ESRRB: variants seen among roughly 807,000 people sequenced by gnomAD.
ESRRB encodes steroid hormone receptor ERR2.
ESRRB carries 16 observed loss-of-function variants against 46.0 expected under a neutral mutation model. The ratio of observed to expected loss-of-function variants is 0.35; its 90% CI spans 0.24 to 0.53. The LOEUF (loss-of-function observed/expected upper bound fraction) is 0.53, where lower values mean the gene tolerates loss of function less well. ESRRB is among the 20% of genes least tolerant of loss of function. The pLI is 0.93. For synonymous variants in ESRRB, 246 were observed against 259.6 expected (o/e 0.95, Z 0.50); for missense variants, 488 against 607.4 (o/e 0.80, Z 2.07).
In ESRRB at chr14:76,482,537, C is replaced by T; in HGVS notation, c.689-61C>T. ...ACTTTGCTTCCTGACCCATCTGAGC[C>T]TCCACCCCGGCCCCTTTCCTCTTTT... On this transcript the variant is annotated intron_variant, in intron 4 of 6. Coordinates refer to ENST00000644823, the MANE Select transcript of ESRRB (RefSeq NM_001379180.1). This position sits in a 1 kb window ranked among gnomAD's most constrained non-coding sequence, Gnocchi z 4.3. 1 of 1,598,462 alleles carries T rather than the reference C, an allele frequency of 6.3e-7. No homozygotes were observed. Among genetic ancestry groups the T allele is most frequent in the Non-Finnish European group, 8.6e-7 (1 of 1,166,660 alleles).
chr14:76,494,626 A>G (rs547622161), intron 6 of ESRRB, among the ~76,000 whole-genome samples: 3 of 152,202 alleles, frequency 2.0e-5, no homozygotes, highest in Non-Finnish European at 2.9e-5. Flanking sequence ...GTATTGTTCT[A>G]TAGGTTTTGA....
chr14:76,481,826 G>A (rs746323638), intron 3 of ESRRB, among the ~76,000 whole-genome samples, 190 bp from the exon 4 acceptor site: 19 of 152,164 alleles, frequency 1.2e-4, no homozygotes, highest in Non-Finnish European at 2.5e-4. Flanking sequence ...AACGGGATGC[G>A]CCATTACTGT....
intron 1 of ESRRB, among the ~76,000 whole-genome samples, chr14:76,433,818 T>C (rs900544874): frequency 6.6e-6 from 1 of 152,122 alleles, no homozygotes; most frequent in Non-Finnish European, 1.5e-5. Flanking sequence ...CCTGACCTTA[T>C]AGGATGGAAT....
At chr14:76,441,253 C>T (rs774715017) in intron 2 of ESRRB, among the ~76,000 whole-genome samples, 5 of 152,230 alleles carry the variant, frequency 3.3e-5, no homozygotes, top group Non-Finnish European at 7.3e-5. Context: ...ACCTGAGTCA[C>T]ATTCCAATGG....
At chr14:76,475,821 C>T (rs1219139301) in intron 3 of ESRRB, among the ~76,000 whole-genome samples, 1 of 152,136 alleles carries the variant, frequency 6.6e-6, no homozygotes, top group Admixed American at 6.5e-5. Context: ...CATGGTTACA[C>T]CATTTTACTT....
At chr14:76,341,455 C>T (rs1373686967) in intron 1 of ESRRB, among the ~76,000 whole-genome samples, 1 of 152,260 alleles carries the variant, frequency 6.6e-6, no homozygotes, top group Admixed American at 6.5e-5. Context: ...ACCCGGCTCT[C>T]CTGCCTCCCT....
At chr14:76,360,845 C>A (rs1884454140) in intron 1 of ESRRB, among the ~76,000 whole-genome samples, 1 of 152,190 alleles carries the variant, frequency 6.6e-6, no homozygotes, top group Admixed American at 6.5e-5. Context: ...GTCTACCTTT[C>A]TGGGTTGTTC....
chr14:76,369,357 C>A (rs1305255961), upstream of ESRRB, among the ~76,000 whole-genome samples: 1 of 150,982 alleles, frequency 6.6e-6, no homozygotes, highest in Non-Finnish European at 1.5e-5. Flanking sequence ...TCACTGCAAC[C>A]TTTGCCTCCC....
intron 3 of ESRRB, among the ~76,000 whole-genome samples, chr14:76,464,646 T>G (rs1889030894): frequency 6.6e-6 from 1 of 152,130 alleles, no homozygotes; most frequent in Non-Finnish European, 1.5e-5. Flanking sequence ...AAAAACAGTC[T>G]CCTTTCCAGA....
intron 1 of ESRRB, among the ~76,000 whole-genome samples, chr14:76,389,516 A>G (rs1262088728): frequency 2.6e-5 from 4 of 152,226 alleles, no homozygotes; most frequent in African/African-American, 9.6e-5. Context: ...GGAAGAGGTA[A>G]CCAGGAGAGC....
intron 1 of ESRRB, among the ~76,000 whole-genome samples, chr14:76,438,135 G>T (rs1251580238): frequency 6.6e-6 from 1 of 152,192 alleles, no homozygotes; most frequent in East Asian, 1.9e-4. Context: ...AGAGAGGGAG[G>T]GTTTGGGAGC....
At position 76,469,926 on chromosome 14, in the gene ESRRB, G is replaced by GTTTTTTTT. The variant is rs1356927268; in HGVS notation, c.577+7267_577+7268insTTTTTTTT. On this transcript the variant is annotated intron_variant, in intron 3 of 6. Coordinates refer to ENST00000644823, the MANE Select transcript of ESRRB (RefSeq NM_001379180.1). ...AGGTAAAGACTAGGCTGTGTTTTTT[G>GTTTTTTTT]TTGTTTTTTTTTTTTTTCTTTTTTT... Among the ~76,000 whole-genome samples, 52 of 67,496 alleles carry GTTTTTTTT rather than the reference G, an allele frequency of 7.7e-4. 2 individuals are homozygous for GTTTTTTTT. Among genetic ancestry groups the GTTTTTTTT allele is most frequent in the African/African-American group, 1.3e-3 (25 of 19,736 alleles). The allele number at this position is 67,496 out of a possible 152,430, so 44.3% of individuals were successfully genotyped here.
At chr14:76,372,833 A>C (rs934817793), upstream of ESRRB, among the ~76,000 whole-genome samples, 1 of 152,236 alleles carries the variant, frequency 6.6e-6, no homozygotes, top group African/African-American at 2.4e-5. Flanking sequence ...CCCTGTCTCA[A>C]AAAGAAAGAA....
At chr14:76,358,351 G>T (rs867954606) in intron 1 of ESRRB, among the ~76,000 whole-genome samples, 2 of 34,496 alleles carry the variant, frequency 5.8e-5, no homozygotes, top group Non-Finnish European at 1.2e-4. Flanking sequence ...AAGAAAGAAA[G>T]AAAGAAAGAA....
At chr14:76,453,106 G>A (rs8016205) in intron 2 of ESRRB, among the ~76,000 whole-genome samples, 9,313 of 152,314 alleles carry the variant, frequency 0.061, 292 homozygotes, top group South Asian at 0.08. Context: ...AGCCTTTCAG[G>A]TGAGCTTCAT....
intron 1 of ESRRB, among the ~76,000 whole-genome samples, chr14:76,401,224 C>T (rs930624558): frequency 6.6e-5 from 10 of 152,206 alleles, no homozygotes; most frequent in African/African-American, 1.4e-4. Flanking sequence ...AAATCCCCCA[C>T]GCTGGCTGGT....
chr14:76,439,391 G>T lies in ESRRB; in HGVS notation c.101G>T (p.Gly34Val). 1 of 1,613,698 alleles carries T rather than the reference G, an allele frequency of 6.2e-7. No homozygotes were observed. The highest frequency in any genetic ancestry group is 8.5e-7 in the Non-Finnish European group (1 of 1,180,044). Residue 34 changes from glycine (G) to valine (V), a missense_variant, in exon 2 of 7, where the codon GGC becomes GTC. Physicochemically the swap from Gly to Val is moderately radical, Grantham distance 109. Coordinates refer to ENST00000644823, the MANE Select transcript of ESRRB (RefSeq NM_001379180.1). ...SDDRHLGSSC[G>V]SFIKTEPSSP... ...GACAGGCACCTGGGCTCCAGCTGCG[G>T]CTCCTTCATCAAGACTGAGCCGTCC...
chr14:76,351,986 T>TAA (rs201356393), intron 1 of ESRRB, among the ~76,000 whole-genome samples: 15,608 of 91,116 alleles, frequency 0.17, 1,623 homozygotes, highest in Non-Finnish European at 0.24. Flanking sequence ...CCCAGTCTCT[T>TAA]AAAAAAAAAA....
chr14:76,315,522 C>T (rs980767895), intron 1 of ESRRB, among the ~76,000 whole-genome samples: 4 of 152,182 alleles, frequency 2.6e-5, no homozygotes, highest in Non-Finnish European at 5.9e-5. Context: ...TCTCACTTTT[C>T]CCATCTGCAA....
Sources: gnomAD v4.1 joint callset for allele counts (sites outside exome capture counted in the v4.1 genomes callset) on GRCh38, gnomAD v4.1.1 for gene constraint, Gnocchi (gnomAD v3.1) non-coding constraint, MANE v1.5 for transcripts, NCBI Gene and HGNC (gene_info 2026-07-23, HGNC 2026-07-21) for gene names.